Variants in EXPH5 observed in about 807,000 individuals in gnomAD.
EXPH5 encodes exophilin 5, also known as exophilin-5.
In EXPH5, 42 loss-of-function variants were observed where a neutral mutation model predicts 41.1. The observed-to-expected ratio is 1.02, with a 90% CI of 0.80 to 1.32. The LOEUF (loss-of-function observed/expected upper bound fraction) is 1.32, where lower values mean the gene tolerates loss of function less well. EXPH5 is among the 40% of genes most tolerant of loss of function. The pLI is 0.00. For synonymous variants in EXPH5, 798 were observed against 833.5 expected, an observed-to-expected ratio of 0.96 and a Z score of 0.73; for missense variants, 2,298 against 2,314.5, an observed-to-expected ratio of 0.99 and a Z score of 0.15.
intron 1 of EXPH5, among the ~76,000 whole-genome samples, chr11:108,585,770 A>AT (rs1223239539): frequency 1.1e-3 from 164 of 152,332 alleles, no homozygotes; most frequent in African/African-American, 3.8e-3. Flanking sequence ...TCATGTTCAC[A>AT]CAAAAGCCTG....
rs765059149 is a variant in EXPH5 at position 108,512,204 on chromosome 11, A to T, written c.3303T>A (p.Asn1101Lys). The T allele has an allele frequency of 1.9e-6, 3 of 1,608,038 alleles. No homozygotes were observed. The East Asian group carries it at 6.7e-5, about 36-fold the overall frequency. The part of the protein sequence containing the change: ...EAPEATERMT[N>K]VKSSGSTSVR... ...CGGAAGTAGATCCACTGCTTTTTAC[A>T]TTTGTCATTCTCTCTGTGGCTTCAG... The change falls in exon 6 of 6, where the codon AAT becomes AAA. Residue 1101 changes from asparagine to lysine, a missense_variant. Asn to Lys is a moderately conservative substitution (Grantham distance 94). Coordinates refer to ENST00000265843, the MANE Select transcript of EXPH5 (RefSeq NM_015065.3).
chr11:108,506,564 G>A lies in EXPH5; in HGVS notation c.*2973C>T, dbSNP rs904920038. Reference sequence around the variant, plus strand: ...TTTGTAGCATACACGTAGACTCAGAGTATATACTGAAATATAATTTGAAAG... The same window carrying A: ...TTTGTAGCATACACGTAGACTCAGAATATATACTGAAATATAATTTGAAAG... On this transcript the variant is annotated 3_prime_UTR_variant, in exon 6 of 6. Coordinates refer to ENST00000265843, the MANE Select transcript of EXPH5 (RefSeq NM_015065.3). 7 of 151,944 alleles carry A rather than the reference G, an allele frequency of 4.6e-5. No individual in the cohort carries two copies. Among genetic ancestry groups the A allele is most frequent in the African/African-American group, 1.7e-4 (7 of 41,342 alleles). The allele number at this position is 151,944 out of a possible 1,614,324, so 9.4% of individuals were successfully genotyped here. A position where few individuals can be genotyped will look rare whatever the true frequency, so the allele number is the denominator to read the frequency against.
the EXPH5 span, among the ~76,000 whole-genome samples, chr11:108,602,279 T>G: frequency 6.6e-6 from 1 of 152,248 alleles, no homozygotes; most frequent in Non-Finnish European, 1.5e-5. Context: ...AACAGATATT[T>G]ATTAGGCACC....
intron 1 of EXPH5, among the ~76,000 whole-genome samples, chr11:108,574,733 T>A (rs2094074284): frequency 6.6e-6 from 1 of 152,194 alleles, no homozygotes; most frequent in Non-Finnish European, 1.5e-5. Context: ...GATGACCATA[T>A]GACATGGTTC....
the EXPH5 span, among the ~76,000 whole-genome samples, chr11:108,602,503 T>C: frequency 6.6e-6 from 1 of 152,040 alleles, no homozygotes; most frequent in Non-Finnish European, 1.5e-5. Flanking sequence ...CAGAGGGGTT[T>C]CTCCCATGTA....
At chr11:108,520,152 T>G (rs904458282) in intron 4 of EXPH5, among the ~76,000 whole-genome samples, 1 of 152,102 alleles carries the variant, frequency 6.6e-6, no homozygotes, top group Non-Finnish European at 1.5e-5. Context: ...TCCAGTCAGA[T>G]CAGCCCTGGG....
chr11:108,555,477 T>A (rs1024770605), intron 1 of EXPH5, among the ~76,000 whole-genome samples: 1 of 152,198 alleles, frequency 6.6e-6, no homozygotes, highest in Non-Finnish European at 1.5e-5. Flanking sequence ...ATTCTCACCT[T>A]TCTGGAGCTT....
chr11:108,566,629 G>T (rs1429905743), intron 1 of EXPH5, among the ~76,000 whole-genome samples: 2 of 152,028 alleles, frequency 1.3e-5, no homozygotes, highest in African/African-American at 4.8e-5. Flanking sequence ...GAGGTGGGAG[G>T]ATTGCCTGAG....
chr11:108,562,265 G>GTTTT (rs35527615), intron 1 of EXPH5, among the ~76,000 whole-genome samples: 54 of 104,592 alleles, frequency 5.2e-4, no homozygotes, highest in East Asian at 2.1e-3. Context: ...TTTTTTCTGT[G>GTTTT]TTTTTTTTTT....
At chr11:108,533,338 G>A (rs2093856210) in intron 3 of EXPH5, among the ~76,000 whole-genome samples, 1 of 151,846 alleles carries the variant, frequency 6.6e-6, no homozygotes, top group Non-Finnish European at 1.5e-5. Context: ...CAAGTATCAG[G>A]GATTACAGGC....
chr11:108,519,009 C>G (rs1257326451), intron 4 of EXPH5, among the ~76,000 whole-genome samples: 1 of 152,112 alleles, frequency 6.6e-6, no homozygotes, highest in East Asian at 1.9e-4. Flanking sequence ...AGCATAATAC[C>G]ATCAAAAAAT....
intron 4 of EXPH5, among the ~76,000 whole-genome samples, chr11:108,521,410 C>G (rs1018402194): frequency 3.3e-5 from 5 of 152,102 alleles, no homozygotes; most frequent in African/African-American, 9.7e-5. Context: ...CTATGGTTTT[C>G]AGTTCTATGA....
chr11:108,567,140 A>C (rs189535736), intron 1 of EXPH5, among the ~76,000 whole-genome samples: 2 of 152,366 alleles, frequency 1.3e-5, no homozygotes, highest in East Asian at 3.9e-4. Context: ...CTGATGGTGA[A>C]CAGACTGCTA....
chr11:108,588,094 GTAA>G (rs999574842), intron 1 of EXPH5, among the ~76,000 whole-genome samples: 2 of 152,170 alleles, frequency 1.3e-5, no homozygotes, highest in Non-Finnish European at 2.9e-5. Context: ...TAAAACAGTA[GTAA>G]AAGGGTTAAA....
At chr11:108,581,993 T>C (rs373824177) in intron 1 of EXPH5, among the ~76,000 whole-genome samples, 46 of 152,206 alleles carry the variant, frequency 3.0e-4, no homozygotes, top group East Asian at 2.1e-3. Flanking sequence ...ATTGAGCTCA[T>C]AGTTTAAAAC....
the EXPH5 span, among the ~76,000 whole-genome samples, chr11:108,604,379 G>GAGCA: frequency 6.6e-6 from 1 of 152,124 alleles, no homozygotes; most frequent in Non-Finnish European, 1.5e-5. Context: ...CTGGGTAACA[G>GAGCA]AGCAAGATCC....
intron 1 of EXPH5, among the ~76,000 whole-genome samples, chr11:108,580,052 G>A (rs1368530289): frequency 6.6e-6 from 1 of 151,802 alleles, no homozygotes; most frequent in Non-Finnish European, 1.5e-5. Flanking sequence ...TAAACAAATG[G>A]GATTATATAA....
chr11:108,604,075 C>T, the EXPH5 span, among the ~76,000 whole-genome samples: 5 of 151,796 alleles, frequency 3.3e-5, no homozygotes, highest in East Asian at 1.9e-4. Flanking sequence ...TAAGGGTAGG[C>T]AGTTGGTTTT....
At chr11:108,532,367 T>TATATATACA (rs61454000) in intron 3 of EXPH5, among the ~76,000 whole-genome samples, 1 of 20,370 alleles carries the variant, frequency 4.9e-5, no homozygotes, top group African/African-American at 3.1e-4. Context: ...TATATATATA[T>TATATATACA]TTTTTTTTTT....
Sources: allele counts gnomAD v4.1 joint callset (sites outside exome capture counted in the v4.1 genomes callset), GRCh38; gene constraint gnomAD v4.1.1; transcripts MANE v1.5; gene names NCBI Gene and HGNC (gene_info 2026-07-23, HGNC 2026-07-21).